Variants in DYM observed in about 807,000 individuals in gnomAD.
DYM encodes dymeclin, also known as dyggve-Melchior-Clausen syndrome protein.
DYM carries 78 observed loss-of-function variants against 93.1 expected under a neutral mutation model. The ratio of observed to expected loss-of-function variants is 0.84; its 90% confidence interval spans 0.70 to 1.01. The LOEUF is 1.01. Among genes scored for constraint, DYM ranks in the 50% least tolerant of loss-of-function variants. DYM has a pLI of 0.00. For missense variants in DYM, 789 were observed against 845.0 expected (o/e 0.93, Z 0.82); for synonymous variants, 321 against 319.7 (o/e 1.00, Z -0.04).
intron 17 of DYM, among the ~76,000 whole-genome samples, chr18:49,051,451 G>T (rs1271762961): frequency 6.6e-6 from 1 of 152,134 alleles, no homozygotes; most frequent in Non-Finnish European, 1.5e-5. Context: ...GACTAGGTGT[G>T]GTTTTATGTT....
intron 17 of DYM, among the ~76,000 whole-genome samples, chr18:49,076,989 C>T (rs2077362673): frequency 6.6e-6 from 1 of 152,200 alleles, no homozygotes. Flanking sequence ...GTGCCCTGCA[C>T]AACACGGGAG....
chr18:49,098,242 G>T (rs989922412), intron 16 of DYM, among the ~76,000 whole-genome samples: 2 of 152,104 alleles, frequency 1.3e-5, no homozygotes, highest in Admixed American at 6.6e-5. Flanking sequence ...TAACATTTAG[G>T]TGTTTATAGT....
intron 13 of DYM, among the ~76,000 whole-genome samples, chr18:49,249,297 ATTAAATGGACTTT>A (rs1336518207): frequency 6.6e-6 from 1 of 152,222 alleles, no homozygotes; most frequent in Non-Finnish European, 1.5e-5. Flanking sequence ...TAAATTTATC[ATTAAATGGACTTT>A]TTAAAAAATA....
At chr18:49,139,262 C>T (rs1194946123) in intron 15 of DYM, among the ~76,000 whole-genome samples, 2 of 152,106 alleles carry the variant, frequency 1.3e-5, no homozygotes, top group Non-Finnish European at 2.9e-5. Context: ...CCTTTCCCTT[C>T]CCCAAATCCA....
At chr18:49,369,524 A>G (rs1303766782) in intron 5 of DYM, among the ~76,000 whole-genome samples, 1 of 152,182 alleles carries the variant, frequency 6.6e-6, no homozygotes, top group African/African-American at 2.4e-5. Context: ...CCTTGAAGCC[A>G]TTTAGCTTTC....
chr18:49,421,463 A>AG (rs201378980), intron 2 of DYM, among the ~76,000 whole-genome samples: 1,683 of 152,336 alleles, frequency 0.011, 31 homozygotes, highest in African/African-American at 0.039. Context: ...AAACTAACAA[A>AG]CAGAAAGGAC....
chr18:49,064,608 T>C (rs903757948), intron 17 of DYM, among the ~76,000 whole-genome samples: 1 of 152,092 alleles, frequency 6.6e-6, no homozygotes, highest in Non-Finnish European at 1.5e-5. Flanking sequence ...AACACAAAAC[T>C]AGCTAGACTG....
chr18:49,265,873 G>T (rs1352433535), intron 11 of DYM, among the ~76,000 whole-genome samples: 2 of 151,906 alleles, frequency 1.3e-5, no homozygotes, highest in African/African-American at 4.8e-5. Context: ...CAAACTCAGG[G>T]ATACAGAAAC....
chr18:49,149,762 A>AGTG (rs2144699901), intron 15 of DYM, among the ~76,000 whole-genome samples: 1 of 125,962 alleles, frequency 7.9e-6, no homozygotes, highest in East Asian at 2.5e-4. Context: ...GCTAGAGTCC[A>AGTG]GTGGCACAAT....
At position 49,044,101 on chromosome 18, in the gene DYM, T is replaced by G. The variant is rs772514587; in HGVS notation, c.2129A>C (p.Tyr710Ser). ...CAGCTGGATGTCCTGTGGATTCCAGTACAGGCCGACTGCTGAGTTGTAGAC... is the reference window on the plus strand; with the variant it reads ...CAGCTGGATGTCCTGTGGATTCCAGGACAGGCCGACTGCTGAGTTGTAGAC... The part of the protein sequence containing the change: ...SLVYNSAVGL[Y>S]WNPQDIQLFT... The change falls in exon 18 of 18, where the codon TAC (tyrosine) becomes TCC (serine). Residue 710 changes from tyrosine (Y) to serine (S), a missense_variant. Physicochemically the swap from Tyr to Ser is moderately radical, Grantham distance 144 (BLOSUM62 -2). This residue lies in a region of DYM where 114 missense variants were observed against 105.8 expected (regional missense o/e 1.08). Coordinates refer to ENST00000675505, the MANE Select transcript of DYM (RefSeq NM_001353214.3). 51 of 1,613,974 alleles carry G rather than the reference T, an allele frequency of 3.2e-5. No homozygotes were observed. The East Asian group carries it at 1.0e-3, about 32-fold the overall frequency.
intron 15 of DYM, chr18:49,126,035 G>A (rs960363785): frequency 6.6e-6 from 1 of 152,200 alleles, no homozygotes. Flanking sequence ...TAGATGTAAT[G>A]CTGTGTATTC....
At chr18:49,447,629 C>A (rs750532402) in intron 1 of DYM, among the ~76,000 whole-genome samples, 2 of 152,008 alleles carry the variant, frequency 1.3e-5, no homozygotes, top group Non-Finnish European at 2.9e-5. Context: ...GGCGCTACCC[C>A]CTGGTGTTAT....
At chr18:49,288,252 G>A (rs547709966) in intron 8 of DYM, among the ~76,000 whole-genome samples, 17 of 152,114 alleles carry the variant, frequency 1.1e-4, no homozygotes, top group Non-Finnish European at 2.1e-4. Flanking sequence ...TGGCTATATG[G>A]TCAACACCAC....
chr18:49,392,353 T>C (rs2147901245), intron 2 of DYM, among the ~76,000 whole-genome samples: 1 of 152,166 alleles, frequency 6.6e-6, no homozygotes, highest in Middle Eastern at 3.4e-3. Context: ...ATGCTGGACT[T>C]TACCAAAATT....
At chr18:49,107,410 A>G (rs1243643027) in intron 16 of DYM, among the ~76,000 whole-genome samples, 3 of 152,126 alleles carry the variant, frequency 2.0e-5, no homozygotes, top group Non-Finnish European at 4.4e-5. Context: ...TCAACTCTTC[A>G]AAGTCATTCT....
intron 1 of DYM, among the ~76,000 whole-genome samples, chr18:49,435,914 G>A (rs958400564): frequency 2.0e-5 from 3 of 151,990 alleles, no homozygotes; most frequent in Non-Finnish European, 2.9e-5. Context: ...TTACTTCATC[G>A]TCCATATTAA....
intron 15 of DYM, among the ~76,000 whole-genome samples, chr18:49,135,250 CA>C (rs918712843): frequency 1.1e-4 from 17 of 152,146 alleles, no homozygotes; most frequent in African/African-American, 3.6e-4. Context: ...ACTGAAGACA[CA>C]AAAAACTACT....
At chr18:49,079,389 G>C (rs146034696) in intron 17 of DYM, among the ~76,000 whole-genome samples, 1 of 151,758 alleles carries the variant, frequency 6.6e-6, no homozygotes, top group Non-Finnish European at 1.5e-5. Flanking sequence ...ACATTGTAGA[G>C]ATTCTTTTTT....
At chr18:49,223,587 GTGT>G (rs928488867) in intron 13 of DYM, among the ~76,000 whole-genome samples, 2 of 152,064 alleles carry the variant, frequency 1.3e-5, no homozygotes, top group African/African-American at 2.4e-5. Flanking sequence ...ATTAAGGGAA[GTGT>G]TGTTAATATT....
Sources: allele counts gnomAD v4.1 joint callset (sites outside exome capture counted in the v4.1 genomes callset), GRCh38; gene constraint gnomAD v4.1.1; regional missense constraint gnomAD v4.1.1; transcripts MANE v1.5; gene names NCBI Gene and HGNC (gene_info 2026-07-23, HGNC 2026-07-21).